The following BTG4 variants were observed in gnomAD, a reference collection of about 807,000 sequenced individuals.
BTG4 encodes protein BTG4.
BTG4 carries 10 observed loss-of-function variants against 19.3 expected under a neutral mutation model. The observed-to-expected ratio is 0.52, with a 90% CI of 0.32 to 0.88. The LOEUF is 0.88. Ranked by LOEUF, BTG4 falls within the 40% of genes least tolerant of loss-of-function variation. BTG4 has a pLI of 0.04. For synonymous variants in BTG4, 91 were observed against 95.7 expected, an observed-to-expected ratio of 0.95 and a Z score of 0.29; for missense variants, 238 against 281.9, an observed-to-expected ratio of 0.84 and a Z score of 1.11.
chr11:111,422,376 C>T, the BTG4 span, among the ~76,000 whole-genome samples: 1 of 152,188 alleles, frequency 6.6e-6, no homozygotes, highest in Non-Finnish European at 1.5e-5. Flanking sequence ...TGAGAAATGG[C>T]TGCTGTACGT....
chr11:111,446,588 T>A, the BTG4 span, among the ~76,000 whole-genome samples: 7 of 151,848 alleles, frequency 4.6e-5, no homozygotes, highest in East Asian at 1.4e-3. Flanking sequence ...CTAATCTTAC[T>A]TCCTATAAAA....
the BTG4 span, among the ~76,000 whole-genome samples, chr11:111,447,710 A>G: frequency 1.3e-5 from 2 of 152,218 alleles, no homozygotes; most frequent in East Asian, 3.8e-4. Context: ...GAGGTAGGAA[A>G]AAGAGAGTGG....
chr11:111,506,695 A>C (rs1368520384), intron 1 of BTG4, among the ~76,000 whole-genome samples: 1 of 152,188 alleles, frequency 6.6e-6, no homozygotes, highest in Non-Finnish European at 1.5e-5. Context: ...ATACTAATAT[A>C]AATATGTGTA....
the BTG4 span, among the ~76,000 whole-genome samples, chr11:111,441,765 CA>C: frequency 6.6e-6 from 1 of 152,152 alleles, no homozygotes; most frequent in Admixed American, 6.5e-5. Context: ...AAGGGAAAAG[CA>C]AAGCGAGTTG....
At chr11:111,405,224 C>T in the BTG4 span, among the ~76,000 whole-genome samples, 261 of 151,876 alleles carry the variant, frequency 1.7e-3, no homozygotes, top group African/African-American at 6.0e-3. Context: ...GCCAACATAG[C>T]GAAACCCCAT....
At chr11:111,479,371 A>G (rs551214575) in intron 5 of BTG4, among the ~76,000 whole-genome samples, 89 of 152,256 alleles carry the variant, frequency 5.8e-4, no homozygotes, top group Non-Finnish European at 1.0e-3. Flanking sequence ...ACACTTCTGG[A>G]GGCCAAGGTG....
At chr11:111,513,382 T>G (rs1413592332), upstream of BTG4, 3 of 533,302 alleles carry the variant, frequency 5.6e-6, no homozygotes, top group Admixed American at 1.9e-5. Flanking sequence ...AACCAATGAA[T>G]TGCCTGCCTG....
chr11:111,412,305 T>C, the BTG4 span, among the ~76,000 whole-genome samples: 1 of 152,230 alleles, frequency 6.6e-6, no homozygotes, highest in East Asian at 1.9e-4. Flanking sequence ...TTTCAATCCA[T>C]CTTGGAACTA....
chr11:111,392,626 C>A, the BTG4 span, among the ~76,000 whole-genome samples: 1 of 152,178 alleles, frequency 6.6e-6, no homozygotes, highest in Non-Finnish European at 1.5e-5. Flanking sequence ...CATGTGAGAA[C>A]CACAGCCTTA....
chr11:111,452,922 G>C, the BTG4 span, among the ~76,000 whole-genome samples: 1 of 152,144 alleles, frequency 6.6e-6, no homozygotes, highest in Non-Finnish European at 1.5e-5. Flanking sequence ...CAGAGGGTTG[G>C]TAAGTTGAGG....
intron 1 of BTG4, among the ~76,000 whole-genome samples, chr11:111,507,440 A>T (rs1866537066): frequency 6.6e-6 from 1 of 152,100 alleles, no homozygotes. Context: ...AATCAGTAGT[A>T]GGACAAGGCC....
At chr11:111,455,115 T>C in the BTG4 span, 2 of 452,944 alleles carry the variant, frequency 4.4e-6, no homozygotes, top group Non-Finnish European at 8.9e-6. Context: ...CCTTCCTCTC[T>C]GGTCTCTGTG....
At chr11:111,481,551 A>T (rs1864742291) in intron 5 of BTG4, among the ~76,000 whole-genome samples, 1 of 151,920 alleles carries the variant, frequency 6.6e-6, no homozygotes, top group Non-Finnish European at 1.5e-5. Context: ...AATATATTTC[A>T]TGAATATAAA....
chr11:111,447,037 T>C, the BTG4 span, among the ~76,000 whole-genome samples: 5 of 152,184 alleles, frequency 3.3e-5, no homozygotes, highest in Non-Finnish European at 7.3e-5. Context: ...CCCCCACAGG[T>C]AGTCTCTGTC....
chr11:111,386,400 T>C, the BTG4 span: 1 of 152,174 alleles, frequency 6.6e-6, no homozygotes, highest in African/African-American at 2.4e-5. Flanking sequence ...TGTCATCAAC[T>C]CAGACATGGA....
chr11:111,440,555 C>T, the BTG4 span, among the ~76,000 whole-genome samples: 6 of 152,194 alleles, frequency 3.9e-5, no homozygotes, highest in Admixed American at 1.3e-4. Context: ...TACCCCTGGG[C>T]GGTGTCCCCA....
the BTG4 span, among the ~76,000 whole-genome samples, chr11:111,430,361 T>A: frequency 6.6e-6 from 1 of 152,370 alleles, no homozygotes; most frequent in Admixed American, 6.5e-5. Context: ...AATCCTTGAC[T>A]AGCCTTCCAC....
At chr11:111,412,430 T>G in the BTG4 span, among the ~76,000 whole-genome samples, 2 of 152,252 alleles carry the variant, frequency 1.3e-5, no homozygotes, top group East Asian at 3.8e-4. Context: ...CTTATGTATT[T>G]CAGGGTAATA....
chr11:111,469,105 T>C (rs1591442882), intron 5 of BTG4: 1 of 152,110 alleles, frequency 6.6e-6, no homozygotes, highest in South Asian at 2.1e-4. Context: ...AGTATTGTTT[T>C]AGACCATGTG....
Sources: gnomAD v4.1 joint callset for allele counts (sites outside exome capture counted in the v4.1 genomes callset) on GRCh38, gnomAD v4.1.1 for gene constraint, MANE v1.5 for transcripts, NCBI Gene and HGNC (gene_info 2026-07-23, HGNC 2026-07-21) for gene names.